Variants in MTFR1 observed in about 807,000 individuals in gnomAD.
MTFR1 encodes mitochondrial fission regulator 1, also known as chondrocyte protein with a poly-proline region.
Under a neutral mutation model 38.8 loss-of-function variants are expected in MTFR1, and 28 were observed. The observed-to-expected ratio is 0.72, with a 90% CI of 0.53 to 0.99. The LOEUF (loss-of-function observed/expected upper bound fraction) is 0.99, where lower values mean the gene tolerates loss of function less well. Ranked by LOEUF, MTFR1 falls within the 50% of genes least tolerant of loss-of-function variation. The pLI, the probability that MTFR1 is intolerant of heterozygous loss-of-function variation, is 0.00. For synonymous variants in MTFR1, 145 were observed against 137.0 expected, an observed-to-expected ratio of 1.06 and a Z score of -0.41; for missense variants, 358 against 395.5, an observed-to-expected ratio of 0.91 and a Z score of 0.81.
chr8:65,764,914 G>C (rs754519415), intron 3 of MTFR1, among the ~76,000 whole-genome samples: 3 of 152,142 alleles, frequency 2.0e-5, no homozygotes, highest in Non-Finnish European at 4.4e-5. Context: ...CAACCAGCCT[G>C]AACTTGGTTA....
At chr8:65,665,582 TTCTC>T (rs1482535945) in intron 1 of MTFR1, among the ~76,000 whole-genome samples, 1 of 152,254 alleles carries the variant, frequency 6.6e-6, no homozygotes, top group African/African-American at 2.4e-5. Context: ...TAGTCATAAT[TTCTC>T]TCATCTCCAA....
chr8:65,773,982 A>G (rs1009638308), downstream of MTFR1, among the ~76,000 whole-genome samples: 1 of 152,168 alleles, frequency 6.6e-6, no homozygotes, highest in African/African-American at 2.4e-5. Flanking sequence ...TGATTTCCTT[A>G]CCCACAGCCA....
intron 6 of MTFR1, 114 bp downstream of exon 6, chr8:65,707,370 T>A (rs1240508051): frequency 8.7e-7 from 1 of 1,145,674 alleles, no homozygotes; most frequent in African/African-American, 1.6e-5. Context: ...GTTTTTAGTT[T>A]AAAAAAAAGA....
At chr8:65,666,938 T>C (rs1253775570) in intron 1 of MTFR1, among the ~76,000 whole-genome samples, 1 of 152,166 alleles carries the variant, frequency 6.6e-6, no homozygotes, top group African/African-American at 2.4e-5. Context: ...GTATATCTGA[T>C]AGAATTATAC....
At chr8:65,739,081 C>T (rs1218844523) in intron 3 of MTFR1, among the ~76,000 whole-genome samples, 9 of 152,334 alleles carry the variant, frequency 5.9e-5, no homozygotes, top group Admixed American at 2.0e-4. Flanking sequence ...TCAGCTCTCT[C>T]GGAAACCTGC....
At chr8:65,768,801 T>C (rs1035941484) in intron 3 of MTFR1, among the ~76,000 whole-genome samples, 1 of 152,198 alleles carries the variant, frequency 6.6e-6, no homozygotes, top group African/African-American at 2.4e-5. Flanking sequence ...TGTAAATATG[T>C]ATGATAAATA....
chr8:65,743,701 T>C (rs1489796776), intron 3 of MTFR1, among the ~76,000 whole-genome samples: 2 of 152,200 alleles, frequency 1.3e-5, no homozygotes, highest in Non-Finnish European at 2.9e-5. Context: ...TTGGCATCCT[T>C]ATCAAAGGAG....
chr8:65,722,131 T>G (rs1049308659), intron 3 of MTFR1: 1 of 152,244 alleles, frequency 6.6e-6, no homozygotes, highest in Non-Finnish European at 1.5e-5. Context: ...ATTTGAAGAT[T>G]ATTCTACTTG....
Position 65,764,553 on chromosome 8 carries a change from G to A in MTFR1, c.*49-6394G>A, listed in dbSNP as rs1808672667. Among the ~76,000 whole-genome samples, 3 of 152,196 alleles carry A rather than the reference G, an allele frequency of 2.0e-5. No homozygotes were observed. In the South Asian group the frequency reaches 6.2e-4, roughly 31 times the overall value. On this transcript the variant is annotated intron_variant, in intron 3 of 3. Transcript: ENST00000521247. ...AGAAAGCTGCATGGCTGAGGGAAAT[G>A]CTGAGCAAACTATTTGTACACCTAA...
chr8:65,755,346 T>TTTTTG (rs911570669), intron 3 of MTFR1, among the ~76,000 whole-genome samples: 86 of 152,062 alleles, frequency 5.7e-4, no homozygotes, highest in African/African-American at 2.0e-3. Context: ...AAAATTTAGG[T>TTTTTG]TTTTGTTTTG....
intron 4 of MTFR1, among the ~76,000 whole-genome samples, chr8:65,702,934 T>C (rs1363073763): frequency 6.6e-6 from 1 of 152,140 alleles, no homozygotes; most frequent in African/African-American, 2.4e-5. Context: ...TTATTCTAAG[T>C]AAGAACCTGT....
chr8:65,656,543 C>G (rs1262328060), intron 1 of MTFR1, among the ~76,000 whole-genome samples: 1 of 149,400 alleles, frequency 6.7e-6, no homozygotes, highest in East Asian at 2.0e-4. Flanking sequence ...TCTCTGTTGC[C>G]CAGGCTGGAG....
Position 65,684,389 on chromosome 8 carries a change from CT to C in MTFR1, c.165+1951del, listed in dbSNP as rs139448639. On this transcript the variant is annotated intron_variant, in intron 3 of 7. Transcript: ENST00000262146. The stretch of plus-strand genomic sequence containing the variant: ...ATTTGTATTTCCAGTTATATTGAGT[CT>C]TTTTTTTTTTTTGAGACTGAGTTTC... Among the ~76,000 whole-genome samples, 465 of 143,392 alleles carry C rather than the reference CT, an allele frequency of 3.2e-3. 1 individual carries two copies. Among genetic ancestry groups the C allele is most frequent in the Middle Eastern group, 0.014 (4 of 278 alleles). 94.1% of individuals were successfully genotyped at this position (143,392 alleles called of 152,430 possible). A position where few individuals can be genotyped will look rare whatever the true frequency, so the allele number is the denominator to read the frequency against.
At chr8:65,687,307 A>G (rs191659405) in intron 3 of MTFR1, among the ~76,000 whole-genome samples, 2 of 152,152 alleles carry the variant, frequency 1.3e-5, no homozygotes, top group African/African-American at 2.4e-5. Flanking sequence ...ACATATTTCA[A>G]ACATAATAAA....
chr8:65,676,661 G>C (rs931909865), intron 2 of MTFR1, among the ~76,000 whole-genome samples: 1 of 152,140 alleles, frequency 6.6e-6, no homozygotes, highest in African/African-American at 2.4e-5. Flanking sequence ...ACCACACCCA[G>C]CCAGAAAAAC....
At position 65,696,984 on chromosome 8, in the gene MTFR1, CT is replaced by C. The variant is rs572196375; in HGVS notation, c.281+3243del. On this transcript the variant is annotated intron_variant, in intron 4 of 7. Transcript: ENST00000262146. ...CCAATATGTAACCTTTTGGGACTGG[CT>C]TTTTTTTTTTTTTTTTTGAGACAGA... Among the ~76,000 whole-genome samples the C allele has an allele frequency of 3.4e-3, 377 of 111,208 alleles. 2 individuals carry two copies. Among genetic ancestry groups the C allele is most frequent in the East Asian group, 0.022 (68 of 3,138 alleles). 73.0% of individuals were successfully genotyped at this position (111,208 alleles called of 152,430 possible). A position where few individuals can be genotyped will look rare whatever the true frequency, so the allele number is the denominator to read the frequency against.
chr8:65,652,727 T>C (rs1703974993), intron 1 of MTFR1, among the ~76,000 whole-genome samples: 1 of 152,274 alleles, frequency 6.6e-6, no homozygotes, highest in South Asian at 2.1e-4. Context: ...CATGTAACTT[T>C]ACTGAATTTA....
At chr8:65,683,317 A>G (rs1407647633) in intron 3 of MTFR1, among the ~76,000 whole-genome samples, 1 of 151,598 alleles carries the variant, frequency 6.6e-6, no homozygotes, top group African/African-American at 2.4e-5. Flanking sequence ...TTTTTAGTAG[A>G]GATGGGGTTT....
At chr8:65,713,095 T>G (rs1202422391), downstream of MTFR1, among the ~76,000 whole-genome samples, 2 of 152,210 alleles carry the variant, frequency 1.3e-5, no homozygotes, top group Non-Finnish European at 2.9e-5. Flanking sequence ...AGTAAACCAA[T>G]TACATCACTG....
Sources: gnomAD v4.1 joint callset for allele counts (sites outside exome capture counted in the v4.1 genomes callset) on GRCh38, gnomAD v4.1.1 for gene constraint, MANE v1.5 for transcripts, NCBI Gene and HGNC (gene_info 2026-07-23, HGNC 2026-07-21) for gene names.